The following PID1 variants were observed in gnomAD, a reference collection of about 807,000 sequenced individuals.
PID1 encodes phosphotyrosine interaction domain containing 1.
PID1 carries 10 observed loss-of-function variants against 19.1 expected under a neutral mutation model. The ratio of observed to expected loss-of-function variants is 0.52; its 90% confidence interval spans 0.32 to 0.89. The LOEUF is 0.89. Among genes scored for constraint, PID1 ranks in the 40% least tolerant of loss-of-function variants. PID1 has a pLI of 0.03. For synonymous variants in PID1, 130 were observed against 116.0 expected, an observed-to-expected ratio of 1.12 and a Z score of -0.78; for missense variants, 248 against 285.3, an observed-to-expected ratio of 0.87 and a Z score of 0.94.
intron 2 of PID1, among the ~76,000 whole-genome samples, chr2:229,028,058 A>T (rs1334554477): frequency 6.6e-6 from 1 of 152,178 alleles, no homozygotes; most frequent in Admixed American, 6.5e-5. Flanking sequence ...GATTAGGAAC[A>T]GAGGCAGTGG....
At chr2:229,262,038 C>T (rs1317419325) in intron 1 of PID1, among the ~76,000 whole-genome samples, 1 of 152,124 alleles carries the variant, frequency 6.6e-6, no homozygotes, top group Non-Finnish European at 1.5e-5. Context: ...ATGAGGCTCA[C>T]CTGGAGGTCA....
chr2:229,231,761 G>A (rs535160173), intron 1 of PID1, among the ~76,000 whole-genome samples: 167 of 152,238 alleles, frequency 1.1e-3, no homozygotes, highest in African/African-American at 3.9e-3. Context: ...TGTCATTCAT[G>A]TTGCCATGGA....
chr2:229,250,848 G>A (rs1294274244), intron 1 of PID1, among the ~76,000 whole-genome samples: 1 of 152,020 alleles, frequency 6.6e-6, no homozygotes, highest in Non-Finnish European at 1.5e-5. Flanking sequence ...GTAGTAACAT[G>A]GATCTACCCG....
chr2:229,061,655 G>A (rs921998366), intron 2 of PID1, among the ~76,000 whole-genome samples: 2 of 151,720 alleles, frequency 1.3e-5, no homozygotes, highest in Non-Finnish European at 2.9e-5. Context: ...AATGACATTA[G>A]AATTCTGACA....
At chr2:229,234,740 G>A (rs571113109) in intron 1 of PID1, among the ~76,000 whole-genome samples, 1 of 152,258 alleles carries the variant, frequency 6.6e-6, no homozygotes, top group African/African-American at 2.4e-5. Flanking sequence ...CTCTTTAACT[G>A]AAGAGAAAGC....
At chr2:229,042,977 C>T (rs192656331) in intron 2 of PID1, among the ~76,000 whole-genome samples, 50 of 149,596 alleles carry the variant, frequency 3.3e-4, no homozygotes, top group Admixed American at 1.1e-3. Context: ...AAGGGGGTAG[C>T]GCAGAAAGAG....
rs1693357698 is a variant in PID1, at chr2:229,024,073, T to C, written c.*1559A>G. 6.5e-6 allele frequency: 1 copy of C among 152,786 alleles called. No individual in the cohort carries two copies. The highest frequency in any genetic ancestry group is 1.9e-4 in the East Asian group (1 of 5,182). 9.5% of individuals were successfully genotyped at this position (152,786 alleles called of 1,614,324 possible). A position where few individuals can be genotyped will look rare whatever the true frequency, so the allele number is the denominator to read the frequency against. ...TACATATGTTGTAAAGCAACAAGCA[T>C]ATCTTCAAGAAGTGAGTCCTCCTCA... On this transcript the variant is annotated 3_prime_UTR_variant, in exon 3 of 3. Coordinates refer to ENST00000392055, the MANE Select transcript of PID1 (RefSeq NM_001100818.2).
chr2:229,163,153 G>A (rs2106202155), intron 1 of PID1, among the ~76,000 whole-genome samples: 1 of 151,502 alleles, frequency 6.6e-6, no homozygotes, highest in South Asian at 2.1e-4. Flanking sequence ...TTTTTCCTTT[G>A]ACCCTTTTTT....
At chr2:229,156,516 T>G (rs569488220) in intron 1 of PID1, among the ~76,000 whole-genome samples, 14 of 152,304 alleles carry the variant, frequency 9.2e-5, no homozygotes, top group Non-Finnish European at 1.8e-4. Context: ...CCATTTCATA[T>G]GCAACATCCA....
chr2:229,232,288 TG>T (rs1353379651), intron 1 of PID1, among the ~76,000 whole-genome samples: 1 of 151,170 alleles, frequency 6.6e-6, no homozygotes, highest in African/African-American at 2.4e-5. Context: ...AAAAATTAGC[TG>T]GGTGTGGTGA....
chr2:229,126,143 C>G (rs1243122526), intron 2 of PID1, among the ~76,000 whole-genome samples: 4 of 152,160 alleles, frequency 2.6e-5, no homozygotes, highest in Non-Finnish European at 5.9e-5. Flanking sequence ...CCAGATGCAA[C>G]AGTAAATGCC....
chr2:229,234,453 G>C (rs996609100), intron 1 of PID1, among the ~76,000 whole-genome samples: 2 of 152,164 alleles, frequency 1.3e-5, no homozygotes, highest in African/African-American at 4.8e-5. Flanking sequence ...AATGTGAGCA[G>C]GGAAACTTCT....
At chr2:229,213,733 T>C (rs956017308) in intron 1 of PID1, among the ~76,000 whole-genome samples, 1 of 152,210 alleles carries the variant, frequency 6.6e-6, no homozygotes, top group Non-Finnish European at 1.5e-5. Flanking sequence ...AATAGATATG[T>C]GACATTGACT....
chr2:229,092,147 T>A (rs566250758), intron 2 of PID1, among the ~76,000 whole-genome samples: 2 of 112,870 alleles, frequency 1.8e-5, no homozygotes, highest in East Asian at 2.1e-4. Context: ...GTTTCCTACT[T>A]GTCTTGGGTA....
chr2:229,170,728 C>G (rs575002123), intron 1 of PID1, among the ~76,000 whole-genome samples: 1 of 152,238 alleles, frequency 6.6e-6, no homozygotes, highest in East Asian at 1.9e-4. Context: ...AAGTAGACGC[C>G]TCTTCATGAC....
chr2:229,234,277 TA>T (rs1692276719), intron 1 of PID1, among the ~76,000 whole-genome samples: 1 of 152,212 alleles, frequency 6.6e-6, no homozygotes, highest in African/African-American at 2.4e-5. Context: ...TTAAAGTTGT[TA>T]ATTCCTTAAA....
intron 2 of PID1, among the ~76,000 whole-genome samples, chr2:229,045,443 T>C (rs188287665): frequency 6.6e-6 from 1 of 152,316 alleles, no homozygotes; most frequent in Admixed American, 6.5e-5. Flanking sequence ...CTTTCCTAAG[T>C]TAATTTTCCT....
intron 2 of PID1, among the ~76,000 whole-genome samples, chr2:229,147,549 A>G (rs887497275): frequency 6.6e-6 from 1 of 151,964 alleles, no homozygotes; most frequent in Non-Finnish European, 1.5e-5. Flanking sequence ...ATGGATACTA[A>G]TAACATGTTA....
intron 2 of PID1, among the ~76,000 whole-genome samples, chr2:229,114,655 A>G (rs193111488): frequency 1.3e-4 from 20 of 152,182 alleles, no homozygotes; most frequent in African/African-American, 4.6e-4. Flanking sequence ...GACTCAGTTC[A>G]CTTTATTATA....
Sources: gnomAD v4.1 joint callset for allele counts (sites outside exome capture counted in the v4.1 genomes callset) on GRCh38, gnomAD v4.1.1 for gene constraint, MANE v1.5 for transcripts, NCBI Gene and HGNC (gene_info 2026-07-23, HGNC 2026-07-21) for gene names.